Variants in CTNNBL1 observed in about 807,000 individuals in gnomAD.
The protein encoded by CTNNBL1 is beta-catenin-like protein 1.
Under a neutral mutation model 72.7 loss-of-function variants are expected in CTNNBL1, and 31 were observed. That is an observed-to-expected ratio of 0.43 (90% CI 0.32 to 0.58). The LOEUF (loss-of-function observed/expected upper bound fraction) is 0.58, where lower values mean the gene tolerates loss of function less well. Among genes scored for constraint, CTNNBL1 ranks in the 20% least tolerant of loss-of-function variants. CTNNBL1 has a pLI of 0.08. For missense variants in CTNNBL1, 534 were observed against 725.1 expected, an observed-to-expected ratio of 0.74 and a Z score of 3.03; for synonymous variants, 240 against 267.3, an observed-to-expected ratio of 0.90 and a Z score of 1.00.
At chr20:37,824,642 G>A (rs1350877064) in intron 11 of CTNNBL1, among the ~76,000 whole-genome samples, 1 of 152,236 alleles carries the variant, frequency 6.6e-6, no homozygotes, top group Non-Finnish European at 1.5e-5. Context: ...AACAAGTCCA[G>A]AGGTCAGCAG....
intron 4 of CTNNBL1, among the ~76,000 whole-genome samples, chr20:37,748,945 A>C (rs564964529): frequency 6.6e-6 from 1 of 152,360 alleles, no homozygotes; most frequent in South Asian, 2.1e-4. Flanking sequence ...TGGTGTTCAC[A>C]GACTCAGTGA....
chr20:37,743,118 C>A (rs942546761), intron 3 of CTNNBL1, among the ~76,000 whole-genome samples: 8 of 151,810 alleles, frequency 5.3e-5, no homozygotes, highest in Admixed American at 4.6e-4. Context: ...TCACCCAAAT[C>A]ACCAGATCTT....
rs1372957929 is a variant in CTNNBL1 at position 37,817,780 on chromosome 20, A to G, written c.1213+14732A>G. On this transcript the variant is annotated intron_variant, in intron 11 of 15. Transcript: ENST00000361383. ...TTCTCTGACCACACTTTAAGTAGCAAGAATCTATAAAATGGGATATTGATA... is the reference window on the plus strand; with the variant it reads ...TTCTCTGACCACACTTTAAGTAGCAGGAATCTATAAAATGGGATATTGATA... 2.0e-5 allele frequency among the ~76,000 whole-genome samples: 3 copies of G among 152,348 alleles called. No homozygotes were observed. The East Asian group carries it at 5.8e-4, about 29-fold the overall frequency.
intron 4 of CTNNBL1, among the ~76,000 whole-genome samples, chr20:37,755,482 G>A (rs2073356029): frequency 2.0e-5 from 3 of 152,190 alleles, no homozygotes; most frequent in Admixed American, 2.0e-4. Context: ...TTTGTCCAAA[G>A]ACCTTTAAGC....
At chr20:37,742,235 T>C (rs530754648) in intron 3 of CTNNBL1, among the ~76,000 whole-genome samples, 9 of 152,350 alleles carry the variant, frequency 5.9e-5, no homozygotes, top group Non-Finnish European at 1.2e-4. Context: ...TTTAGGGTCA[T>C]TGAATCAGCA....
In CTNNBL1 at chr20:37,757,545, T is replaced by C. The variant is rs1189086641; in HGVS notation, c.467-14T>C. On this transcript the variant is annotated splice_polypyrimidine_tract_variant and intron_variant, in intron 4 of 15. Transcript: ENST00000361383. ...CCGTTTCAGTATGTGTGTTATACCC[T>C]TAACATTTTTCACATGTGTCCATAG... 6.3e-6 allele frequency: 10 copies of C among 1,597,326 alleles called. No homozygotes were observed. The highest frequency in any genetic ancestry group is 1.7e-5 in the Admixed American group (1 of 59,862).
At position 37,771,680 on chromosome 20, in the gene CTNNBL1, T is replaced by C. The variant is rs532431801; in HGVS notation, c.750+3636T>C. Among the ~76,000 whole-genome samples the C allele has an allele frequency of 2.0e-5, 3 of 152,274 alleles. No homozygotes were observed. The South Asian group carries it at 6.2e-4, about 32-fold the overall frequency. On this transcript the variant is annotated intron_variant, in intron 7 of 15. Coordinates refer to ENST00000361383, the MANE Select transcript of CTNNBL1 (RefSeq NM_030877.5). ...CTACCAGGAATGACTGGCTCCTCTC[T>C]TCCATTCGTATTTCTAAATTTTACA...
At chr20:37,862,343 A>G (rs1366397106) in intron 15 of CTNNBL1, among the ~76,000 whole-genome samples, 1 of 152,162 alleles carries the variant, frequency 6.6e-6, no homozygotes, top group Non-Finnish European at 1.5e-5. Flanking sequence ...TCTTGCATTG[A>G]GCCTTCTCCC....
Position 37,872,054 on chromosome 20 carries a change from C to A in CTNNBL1, c.*41C>A. 1 of 1,511,914 alleles carries A rather than the reference C, an allele frequency of 6.6e-7. No individual in the cohort carries two copies. The highest frequency in any genetic ancestry group is 9.2e-7 in the Non-Finnish European group (1 of 1,087,062). 93.7% of individuals were successfully genotyped at this position (1,511,914 alleles called of 1,614,324 possible). On this transcript the variant is annotated 3_prime_UTR_variant, in exon 16 of 16. Transcript: ENST00000361383. ...GCGCATCATGGACTCTCTCAGCTTC[C>A]CTCCCAGGATCAGTTTCTACACAAC...
chr20:37,861,900 G>T (rs1448057237), intron 15 of CTNNBL1, among the ~76,000 whole-genome samples: 2 of 152,220 alleles, frequency 1.3e-5, no homozygotes, highest in Non-Finnish European at 2.9e-5. Context: ...GGGAAGCCTT[G>T]TGAGAGAGGT....
intron 10 of CTNNBL1, among the ~76,000 whole-genome samples, chr20:37,786,739 TA>T (rs1568780184): frequency 6.6e-6 from 1 of 152,148 alleles, no homozygotes; most frequent in Admixed American, 6.5e-5. Flanking sequence ...CTTAATGCTT[TA>T]AAAAATAATT....
chr20:37,708,463 C>T (rs571107716), intron 1 of CTNNBL1, among the ~76,000 whole-genome samples: 16 of 152,244 alleles, frequency 1.1e-4, no homozygotes, highest in East Asian at 7.7e-4. Context: ...TGAGCCACCG[C>T]GCCCAGCTGA....
At chr20:37,839,951 T>G in intron 11 of CTNNBL1, 151 bp from the exon 12 acceptor site, 1 of 575,912 alleles carries the variant, frequency 1.7e-6, no homozygotes, top group Non-Finnish European at 3.1e-6. Flanking sequence ...GGTTTTTTAG[T>G]GACACAATTT....
chr20:37,724,906 ATC>A (rs2073069946), intron 1 of CTNNBL1, among the ~76,000 whole-genome samples: 1 of 146,684 alleles, frequency 6.8e-6, no homozygotes, highest in African/African-American at 2.5e-5. Context: ...GGTCCTGTCA[ATC>A]TTTTTTTTTT....
chr20:37,779,916 A>G (rs893598518), intron 10 of CTNNBL1, among the ~76,000 whole-genome samples: 1 of 152,158 alleles, frequency 6.6e-6, no homozygotes, highest in Middle Eastern at 3.2e-3. Flanking sequence ...TTAGTTTCAC[A>G]GTTATTTTAT....
chr20:37,729,222 A>G (rs2073110094), intron 1 of CTNNBL1, among the ~76,000 whole-genome samples: 1 of 152,228 alleles, frequency 6.6e-6, no homozygotes, highest in South Asian at 2.1e-4. Flanking sequence ...TCCAGAGATC[A>G]GATTCAACTT....
intron 13 of CTNNBL1, among the ~76,000 whole-genome samples, chr20:37,852,892 C>T (rs867906200): frequency 1.3e-5 from 2 of 152,190 alleles, no homozygotes; most frequent in African/African-American, 4.8e-5. Flanking sequence ...TTAAATGACT[C>T]ACCTAAGGAC....
intron 13 of CTNNBL1, among the ~76,000 whole-genome samples, chr20:37,845,590 T>C (rs2235466): frequency 0.82 from 124,126 of 152,142 alleles, 50,698 homozygotes; most frequent in Middle Eastern, 0.89. Context: ...TGTTTGCTGC[T>C]AGCACTCAGG....
rs79945803 is a variant in CTNNBL1, at chr20:37,758,863, A to G, written c.564+1207A>G. On this transcript the variant is annotated intron_variant, in intron 5 of 15. Transcript: ENST00000361383. ...TCTAGTCCTACCCAAGACCCACTGAATCAGAATGGCTGGGCCTGGGGTCCC... is the reference window on the plus strand; with the variant it reads ...TCTAGTCCTACCCAAGACCCACTGAGTCAGAATGGCTGGGCCTGGGGTCCC... Among the ~76,000 whole-genome samples, 218 of 152,270 alleles carry G rather than the reference A, an allele frequency of 1.4e-3. 8 individuals carry two copies. In the East Asian group the frequency reaches 0.039, roughly 27 times the overall value.
Sources: allele counts gnomAD v4.1 joint callset (sites outside exome capture counted in the v4.1 genomes callset), GRCh38; gene constraint gnomAD v4.1.1; transcripts MANE v1.5; gene names NCBI Gene and HGNC (gene_info 2026-07-23, HGNC 2026-07-21).